The following OPRM1 variants were observed in gnomAD, a reference collection of about 807,000 sequenced individuals.
OPRM1 encodes the protein opioid receptor mu 1.
OPRM1 carries 27 observed loss-of-function variants against 31.8 expected under a neutral mutation model. The ratio of observed to expected loss-of-function variants is 0.85; its 90% CI spans 0.63 to 1.17. The LOEUF is 1.17. Among genes scored for constraint, OPRM1 ranks in the 50% most tolerant of loss-of-function variants. The probability of loss-of-function intolerance (pLI) is 0.00; values close to 1 mark genes in which losing one functional copy is unlikely to be tolerated. For synonymous variants in OPRM1, 196 were observed against 189.9 expected (o/e 1.03, Z -0.26); for missense variants, 536 against 511.1 (o/e 1.05, Z -0.47).
chr6:154,030,918 A>G (rs1254506545), intron 1 of OPRM1, among the ~76,000 whole-genome samples: 1 of 148,708 alleles, frequency 6.7e-6, no homozygotes, highest in Non-Finnish European at 1.5e-5. Context: ...AGATAAATAC[A>G]AAGACAAGTT....
At chr6:154,142,561 AC>A (rs983277729) in intron 3 of OPRM1, among the ~76,000 whole-genome samples, 3 of 151,924 alleles carry the variant, frequency 2.0e-5, no homozygotes, top group African/African-American at 7.3e-5. Context: ...GGGGCACTAG[AC>A]TCCAGTAGTC....
intron 1 of OPRM1, among the ~76,000 whole-genome samples, chr6:154,049,776 C>T (rs1463203199): frequency 6.6e-6 from 1 of 152,164 alleles, no homozygotes; most frequent in Non-Finnish European, 1.5e-5. Flanking sequence ...TACCCAACCA[C>T]ATCACACAAA....
intron 3 of OPRM1, among the ~76,000 whole-genome samples, chr6:154,239,210 C>T (rs1003850595): frequency 2.6e-5 from 4 of 152,152 alleles, no homozygotes; most frequent in Admixed American, 6.5e-5. Context: ...ATATTGGCAA[C>T]ATGAGCAATT....
chr6:154,033,172 G>A (rs2128388666), intron 1 of OPRM1, among the ~76,000 whole-genome samples: 1 of 152,194 alleles, frequency 6.6e-6, no homozygotes, highest in African/African-American at 2.4e-5. Context: ...TAAAAATAAA[G>A]TTATGGAAGA....
rs1410676734 is a variant in OPRM1, at chr6:154,125,735, G to A, written c.*7014G>A. ...AAGTCTCTTAAACTTACGCTCTTTC[G>A]CTTCAAATGCATAAATGTTTTATTT... is the stretch of plus-strand genomic sequence containing the variant. On this transcript the variant is annotated 3_prime_UTR_variant, in exon 4 of 4. Transcript: ENST00000330432. Among the ~76,000 whole-genome samples the A allele has an allele frequency of 2.6e-5, 4 of 151,646 alleles. No individual in the cohort carries two copies. Among genetic ancestry groups the A allele is most frequent in the South Asian group, 4.2e-4 (2 of 4,818 alleles).
At chr6:154,110,230 G>T in intron 3 of OPRM1, 19 of 543,272 alleles carry the variant, frequency 3.5e-5, no homozygotes, top group South Asian at 5.3e-5. Context: ...TTGTTTTCTG[G>T]TGATATTACA....
chr6:154,164,839 G>A (rs753123639), intron 3 of OPRM1, among the ~76,000 whole-genome samples: 2 of 152,168 alleles, frequency 1.3e-5, no homozygotes, highest in Non-Finnish European at 2.9e-5. Flanking sequence ...AGTGAATGAT[G>A]AGCTGTTAGA....
At chr6:154,020,986 T>C (rs910962673) in intron 1 of OPRM1, among the ~76,000 whole-genome samples, 2 of 152,210 alleles carry the variant, frequency 1.3e-5, no homozygotes, top group African/African-American at 4.8e-5. Context: ...TTATCAATTA[T>C]TTCCTTCATC....
At chr6:154,179,807 G>C (rs550725241) in intron 3 of OPRM1, among the ~76,000 whole-genome samples, 33 of 152,112 alleles carry the variant, frequency 2.2e-4, no homozygotes, top group Non-Finnish European at 4.4e-4. Context: ...CTTTCACACC[G>C]TGCAGAATCA....
At chr6:154,167,428 C>G (rs1027090516) in intron 3 of OPRM1, among the ~76,000 whole-genome samples, 2 of 152,194 alleles carry the variant, frequency 1.3e-5, no homozygotes, top group African/African-American at 2.4e-5. Flanking sequence ...GTGCCCACAG[C>G]TGACAATCAC....
chr6:154,152,347 G>GAAAGAAAGAAAGAGA, intron 3 of OPRM1, among the ~76,000 whole-genome samples: 2 of 65,202 alleles, frequency 3.1e-5, no homozygotes, highest in East Asian at 9.1e-4. Flanking sequence ...AAGAAAGAAA[G>GAAAGAAAGAAAGAGA]GAAAGAAAGA....
chr6:154,109,110 G>A (rs1314558092), intron 3 of OPRM1: 5 of 836,252 alleles, frequency 6.0e-6, no homozygotes, highest in South Asian at 5.5e-5. Context: ...CTTCAGGAAC[G>A]AAATAAGCAA....
chr6:154,035,456 C>A (rs987226456), upstream of OPRM1, among the ~76,000 whole-genome samples: 1 of 152,078 alleles, frequency 6.6e-6, no homozygotes, highest in Non-Finnish European at 1.5e-5. Flanking sequence ...AGTTAGATAA[C>A]ATAGAAAATA....
intron 3 of OPRM1, among the ~76,000 whole-genome samples, chr6:154,195,945 C>A (rs1028463488): frequency 6.6e-6 from 1 of 151,944 alleles, no homozygotes; most frequent in Admixed American, 6.6e-5. Flanking sequence ...GTGTGTGCCA[C>A]CATACCTGGC....
At chr6:154,225,600 T>C (rs1779188000) in intron 3 of OPRM1, among the ~76,000 whole-genome samples, 1 of 152,150 alleles carries the variant, frequency 6.6e-6, no homozygotes, top group African/African-American at 2.4e-5. Context: ...CAGTAGGAAA[T>C]AGGGAGCAAC....
chr6:154,182,086 A>T (rs1470903857), intron 3 of OPRM1, among the ~76,000 whole-genome samples: 1 of 152,186 alleles, frequency 6.6e-6, no homozygotes, highest in Admixed American at 6.5e-5. Context: ...TCACAGGTAA[A>T]AGAAATTCCA....
intron 3 of OPRM1, among the ~76,000 whole-genome samples, chr6:154,240,535 G>A (rs1780496619): frequency 6.6e-6 from 1 of 151,096 alleles, no homozygotes; most frequent in African/African-American, 2.4e-5. Flanking sequence ...AAAAAAAAAG[G>A]TACTCTATAT....
Position 154,212,543 on chromosome 6 carries a change from C to T in OPRM1, c.1165-34150C>T, listed in dbSNP as rs79302519. 5.2e-3 allele frequency among the ~76,000 whole-genome samples: 786 copies of T among 152,296 alleles called. 9 individuals are homozygous for T. The highest frequency in any genetic ancestry group is 0.018 in the African/African-American group (739 of 41,548). On this transcript the variant is annotated intron_variant, in intron 3 of 3. Transcript: ENST00000337049. The stretch of plus-strand genomic sequence containing the variant: ...TGCATCCTCATGAATTCTCTGAGTA[C>T]GGTACATCTTCGGGTCACACACAAA...
chr6:154,100,158 C>CAT (rs753395267), intron 3 of OPRM1, among the ~76,000 whole-genome samples: 28 of 19,194 alleles, frequency 1.5e-3, no homozygotes, highest in East Asian at 0.013. Context: ...CATATTATGA[C>CAT]GTATCATAAT....
Sources: gnomAD v4.1 joint callset for allele counts (sites outside exome capture counted in the v4.1 genomes callset) on GRCh38, gnomAD v4.1.1 for gene constraint, MANE v1.5 for transcripts, NCBI Gene and HGNC (gene_info 2026-07-23, HGNC 2026-07-21) for gene names.